MGAT4C: variants seen among roughly 807,000 people sequenced by gnomAD.
The protein encoded by MGAT4C is MGAT4 family member C.
Under a neutral mutation model 40.1 loss-of-function variants are expected in MGAT4C, and 19 were observed. The ratio of observed to expected loss-of-function variants is 0.47; its 90% CI spans 0.33 to 0.70. The LOEUF (loss-of-function observed/expected upper bound fraction) is 0.70, where lower values mean the gene tolerates loss of function less well. Among genes scored for constraint, MGAT4C ranks in the 30% least tolerant of loss-of-function variants. The pLI is 0.02. For synonymous variants in MGAT4C, 181 were observed against 187.1 expected, an observed-to-expected ratio of 0.97 and a Z score of 0.27; for missense variants, 491 against 563.2, an observed-to-expected ratio of 0.87 and a Z score of 1.30.
chr12:86,209,555 A>T (rs1264526483), intron 1 of MGAT4C, among the ~76,000 whole-genome samples: 1 of 152,148 alleles, frequency 6.6e-6, no homozygotes, highest in East Asian at 1.9e-4. Flanking sequence ...TCTTAGCATC[A>T]GCTTTTGGGA....
intron 2 of MGAT4C, among the ~76,000 whole-genome samples, chr12:86,517,517 T>A (rs1386394942): frequency 6.6e-6 from 1 of 152,180 alleles, no homozygotes; most frequent in Non-Finnish European, 1.5e-5. Flanking sequence ...CCCTGGACTA[T>A]GAAAGGTTTA....
At chr12:86,655,325 C>T (rs1413564063) in intron 2 of MGAT4C, among the ~76,000 whole-genome samples, 2 of 152,072 alleles carry the variant, frequency 1.3e-5, no homozygotes, top group Non-Finnish European at 2.9e-5. Flanking sequence ...CCCTTCAACT[C>T]CATTCAACTC....
intron 1 of MGAT4C, among the ~76,000 whole-genome samples, chr12:86,237,213 T>C (rs1393400148): frequency 6.6e-6 from 1 of 151,572 alleles, no homozygotes; most frequent in Middle Eastern, 3.2e-3. Flanking sequence ...TAAAACAGTG[T>C]GAATAAAAGT....
intron 3 of MGAT4C, among the ~76,000 whole-genome samples, chr12:86,405,897 C>G (rs1956456476): frequency 8.0e-6 from 1 of 125,028 alleles, no homozygotes; most frequent in Admixed American, 9.2e-5. Context: ...AACAACTGGA[C>G]ATACATAGGT....
chr12:86,367,654 C>T (rs1290449721), intron 3 of MGAT4C, among the ~76,000 whole-genome samples: 1 of 152,112 alleles, frequency 6.6e-6, no homozygotes, highest in African/African-American at 2.4e-5. Flanking sequence ...AAAAAATTAG[C>T]TGGGCGTGGT....
chr12:86,070,209 G>A (rs1399749834), intron 1 of MGAT4C, among the ~76,000 whole-genome samples: 1 of 151,394 alleles, frequency 6.6e-6, no homozygotes, highest in Non-Finnish European at 1.5e-5. Flanking sequence ...CTATTAAACT[G>A]CAAATTTCTC....
chr12:86,160,099 CT>C (rs1010009942), intron 1 of MGAT4C, among the ~76,000 whole-genome samples: 1 of 151,840 alleles, frequency 6.6e-6, no homozygotes, highest in Non-Finnish European at 1.5e-5. Flanking sequence ...TTTATTTGCT[CT>C]TTTTTTCTAG....
chr12:86,441,477 C>T (rs1248208386), intron 2 of MGAT4C, among the ~76,000 whole-genome samples: 1 of 148,474 alleles, frequency 6.7e-6, no homozygotes, highest in African/African-American at 2.5e-5. Flanking sequence ...GAGTACACCT[C>T]CTAATGCTTT....
At chr12:86,824,797 T>C (rs1040042979) in intron 1 of MGAT4C, among the ~76,000 whole-genome samples, 1 of 149,986 alleles carries the variant, frequency 6.7e-6, no homozygotes, top group African/African-American at 2.4e-5. Context: ...GTTTTTTATA[T>C]TGAAATTAAC....
intron 2 of MGAT4C, among the ~76,000 whole-genome samples, chr12:86,685,192 C>T (rs566742231): frequency 6.6e-6 from 1 of 152,074 alleles, no homozygotes; most frequent in Non-Finnish European, 1.5e-5. Context: ...GTCTTTAATC[C>T]ATCTTGAGTT....
chr12:86,162,194 C>T (rs1336449324), intron 1 of MGAT4C, among the ~76,000 whole-genome samples: 1 of 152,118 alleles, frequency 6.6e-6, no homozygotes, highest in Non-Finnish European at 1.5e-5. Flanking sequence ...CACATGCACT[C>T]ACATGCTTAT....
chr12:86,184,756 A>C (rs1166475868), intron 1 of MGAT4C, among the ~76,000 whole-genome samples: 5 of 150,714 alleles, frequency 3.3e-5, no homozygotes, highest in Admixed American at 6.6e-5. Flanking sequence ...AAAAAAAAAA[A>C]AAAAAAAACT....
In MGAT4C at chr12:85,986,603, G is replaced by A. The variant is rs532202087; in HGVS notation, c.147+2797C>T. 3.9e-5 allele frequency among the ~76,000 whole-genome samples: 6 copies of A among 152,268 alleles called. No individual in the cohort carries two copies. The South Asian group carries it at 1.0e-3, about 26-fold the overall frequency. On this transcript the variant is annotated intron_variant, in intron 3 of 4. Coordinates refer to ENST00000611864, the MANE Select transcript of MGAT4C (RefSeq NM_001351288.2). The stretch of plus-strand genomic sequence containing the variant: ...ATAGAATCTGTTAACTAACTCCAGA[G>A]ACCTTACTACTTCTAACTATTCACC...
Position 85,975,445 on chromosome 12 carries a change from G to C in MGAT4C, c.*3844C>G, listed in dbSNP as rs1206289386. 6.6e-6 allele frequency: 1 copy of C among 150,858 alleles called. No individual in the cohort carries two copies. The highest frequency in any genetic ancestry group is 1.5e-5 in the Non-Finnish European group (1 of 67,112). The allele number at this position is 150,858 out of a possible 1,614,324, so 9.3% of individuals were successfully genotyped here. ...AAAATTGCTACCTTTAAAAACATAT[G>C]AGGTAAAATTATTCCTATTCACAGA... On this transcript the variant is annotated 3_prime_UTR_variant, in exon 5 of 5. Coordinates refer to ENST00000611864, the MANE Select transcript of MGAT4C (RefSeq NM_001351288.2).
intron 4 of MGAT4C, among the ~76,000 whole-genome samples, chr12:86,266,230 G>T (rs1185859212): frequency 6.6e-6 from 1 of 152,128 alleles, no homozygotes; most frequent in East Asian, 1.9e-4. Context: ...CTTAGGGGAA[G>T]TGCTTTCAAC....
intron 2 of MGAT4C, among the ~76,000 whole-genome samples, chr12:86,460,274 C>A (rs1214865587): frequency 2.0e-5 from 3 of 152,156 alleles, no homozygotes; most frequent in Non-Finnish European, 4.4e-5. Context: ...ACTTCATCCT[C>A]CTGGGGAGAA....
At chr12:86,170,961 G>T (rs985624862) in intron 1 of MGAT4C, among the ~76,000 whole-genome samples, 6 of 152,126 alleles carry the variant, frequency 3.9e-5, no homozygotes, top group African/African-American at 1.4e-4. Flanking sequence ...TTAATCATAA[G>T]ATATCTGAAC....
intron 2 of MGAT4C, among the ~76,000 whole-genome samples, chr12:86,455,842 T>C (rs1290178935): frequency 6.6e-6 from 1 of 152,078 alleles, no homozygotes; most frequent in Non-Finnish European, 1.5e-5. Context: ...ATTCGCAAGG[T>C]CTGGTGTGGT....
intron 2 of MGAT4C, among the ~76,000 whole-genome samples, chr12:86,537,819 G>C (rs1290194326): frequency 6.6e-6 from 1 of 152,166 alleles, no homozygotes; most frequent in Non-Finnish European, 1.5e-5. Context: ...AGGTGTGGTG[G>C]CTCATGCCTG....
Sources: allele counts gnomAD v4.1 joint callset (sites outside exome capture counted in the v4.1 genomes callset), GRCh38; gene constraint gnomAD v4.1.1; transcripts MANE v1.5; gene names NCBI Gene and HGNC (gene_info 2026-07-23, HGNC 2026-07-21).